The following TCF25 variants were observed in gnomAD, a reference collection of about 807,000 sequenced individuals.
The protein encoded by TCF25 is ribosome quality control complex subunit TCF25.
Under a neutral mutation model 83.1 loss-of-function variants are expected in TCF25, and 41 were observed. The observed-to-expected ratio is 0.49, with a 90% CI of 0.38 to 0.64. TCF25 has a LOEUF of 0.64. Ranked by LOEUF, TCF25 falls within the 30% of genes least tolerant of loss-of-function variation. The pLI, the probability that TCF25 is intolerant of heterozygous loss-of-function variation, is 0.00. For missense variants in TCF25, 979 were observed against 914.5 expected, an observed-to-expected ratio of 1.07 and a Z score of -0.91; for synonymous variants, 458 against 365.0, an observed-to-expected ratio of 1.25 and a Z score of -2.90.
At chr16:89,880,130 C>A (rs1597267509) in intron 1 of TCF25, among the ~76,000 whole-genome samples, 1 of 130,344 alleles carries the variant, frequency 7.7e-6, no homozygotes, top group East Asian at 3.5e-4. Flanking sequence ...TGTCTGTGTA[C>A]ACAGGCAGGC....
At chr16:89,873,978 G>T (rs13332673) in intron 1 of TCF25, 119 bp downstream of exon 1, 24,940 of 1,271,106 alleles carry the variant, frequency 0.02, 963 homozygotes, top group African/African-American at 0.14. Context: ...GGGTGACGTG[G>T]GTCCCAGCCG....
At chr16:89,909,122 G>A (rs1279978900) in intron 16 of TCF25, 1 of 1,286,512 alleles carries the variant, frequency 7.8e-7, no homozygotes, top group Non-Finnish European at 1.0e-6. Flanking sequence ...GCAGTGAAGT[G>A]GGGAAAACAT....
chr16:89,878,851 G>A (rs942944554), intron 1 of TCF25, among the ~76,000 whole-genome samples: 1 of 152,106 alleles, frequency 6.6e-6, no homozygotes, highest in African/African-American at 2.4e-5. Flanking sequence ...CCGTGTTAGC[G>A]AGGATGGTCT....
intron 12 of TCF25, among the ~76,000 whole-genome samples, chr16:89,902,541 T>A (rs1355891944): frequency 6.8e-6 from 1 of 146,068 alleles, no homozygotes; most frequent in Admixed American, 6.7e-5. Flanking sequence ...TACAAAAAAT[T>A]AGCCGGGCGT....
chr16:89,891,400 T>C (rs948157491), intron 5 of TCF25, among the ~76,000 whole-genome samples: 1 of 152,176 alleles, frequency 6.6e-6, no homozygotes, highest in Non-Finnish European at 1.5e-5. Flanking sequence ...GTGGCTGAAC[T>C]GTGGGGAGCC....
chr16:89,883,231 G>A (rs985000120), intron 1 of TCF25, 120 bp from the exon 2 acceptor site: 60 of 1,356,918 alleles, frequency 4.4e-5, no homozygotes, highest in Middle Eastern at 2.2e-4. Context: ...CCCGTCCAGC[G>A]TCTCGCACTG....
chr16:89,903,784 G>A (rs997245525), intron 12 of TCF25, among the ~76,000 whole-genome samples: 2 of 152,194 alleles, frequency 1.3e-5, no homozygotes, highest in African/African-American at 2.4e-5. Context: ...TCCAGCCTGA[G>A]CAACAGAGTG....
Position 89,911,079 on chromosome 16 carries a change from G to A in TCF25, c.1873-1G>A, listed in dbSNP as rs1437071046. 1 of 1,610,716 alleles carries A rather than the reference G, an allele frequency of 6.2e-7. No individual in the cohort carries two copies. The highest frequency in any genetic ancestry group is 1.3e-5 in the African/African-American group (1 of 74,992). On this transcript the variant is annotated splice_acceptor_variant, in intron 17 of 17. Transcript: ENST00000263346. LOFTEE classifies it high-confidence loss of function. ...TTCTCAGACATGTCCCCTTGCTGCA[G>A]GGGGAGAGGCCCGAGGAAGGAGTGG...
intron 11 of TCF25, among the ~76,000 whole-genome samples, chr16:89,899,369 A>G (rs2044137385): frequency 6.6e-6 from 1 of 152,114 alleles, no homozygotes; most frequent in African/African-American, 2.4e-5. Context: ...TTGGAATGAT[A>G]ATTTCGGTGT....
intron 1 of TCF25, among the ~76,000 whole-genome samples, chr16:89,875,030 T>G (rs62056102): frequency 6.6e-6 from 1 of 152,054 alleles, no homozygotes; most frequent in Non-Finnish European, 1.5e-5. Flanking sequence ...GATGGAATCT[T>G]GCTCTGTTGC....
Position 89,895,076 on chromosome 16 carries a change from C to T in TCF25, c.867C>T (p.Leu289=), listed in dbSNP as rs895505275. ...LQTSPYHVDS[L]LQLSDACRFQ... ...CGAGCCCTTACCACGTTGACTCACT[C>T]CTGCAGCTCAGCGATGCCTGCCGCT... Residue 289 remains leucine (L), a synonymous_variant, in exon 8 of 18, where the codon CTC becomes CTT. Coordinates refer to ENST00000263346, the MANE Select transcript of TCF25 (RefSeq NM_014972.3). 2 of 1,613,440 alleles carry T rather than the reference C, an allele frequency of 1.2e-6. No individual in the cohort carries two copies. The highest frequency in any genetic ancestry group is 1.7e-6 in the Non-Finnish European group (2 of 1,179,848).
intron 9 of TCF25, among the ~76,000 whole-genome samples, chr16:89,898,046 A>G (rs60958597): frequency 0.1 from 15,180 of 151,760 alleles, 2,079 homozygotes; most frequent in African/African-American, 0.31. Flanking sequence ...GGAGCTTGCA[A>G]TGAGCCGAGC....
chr16:89,906,115 TG>T (rs906534932), intron 14 of TCF25, 78 bp from the exon 15 acceptor site: 3 of 1,240,598 alleles, frequency 2.4e-6, no homozygotes, highest in Non-Finnish European at 3.4e-6. Flanking sequence ...TGGGTGGGGG[TG>T]GGGGCCGAGG....
At chr16:89,907,485 C>T (rs2044953904) in intron 16 of TCF25, among the ~76,000 whole-genome samples, 163 bp downstream of exon 16, 8 of 141,912 alleles carry the variant, frequency 5.6e-5, no homozygotes, top group East Asian at 4.1e-4. Flanking sequence ...TCCCACCTCC[C>T]AGCTCCCACC....
chr16:89,886,251 C>T (rs2043007157), intron 4 of TCF25: 3 of 378,446 alleles, frequency 7.9e-6, no homozygotes, highest in South Asian at 6.2e-5. Flanking sequence ...CATGGTGAAA[C>T]CCCCTCTCTA....
chr16:89,900,578 C>T, intron 11 of TCF25, 57 bp from the exon 12 acceptor site: 1 of 1,510,290 alleles, frequency 6.6e-7, no homozygotes, highest in Non-Finnish European at 9.0e-7. Context: ...TCTGCAAACT[C>T]ACATATTTTG....
At chr16:89,895,192 C>G (rs2043756356) in intron 8 of TCF25, 55 bp downstream of exon 8, 1 of 1,513,058 alleles carries the variant, frequency 6.6e-7, no homozygotes, top group East Asian at 2.3e-5. Flanking sequence ...CTCAAGCTAT[C>G]AAGACAGATG....
At chr16:89,906,761 C>G (rs939772976) in intron 15 of TCF25, among the ~76,000 whole-genome samples, 1 of 152,176 alleles carries the variant, frequency 6.6e-6, no homozygotes, top group Non-Finnish European at 1.5e-5. Flanking sequence ...TTAGTGCCTC[C>G]TGGTTTAACT....
chr16:89,880,751 G>T (rs1344495009), intron 1 of TCF25, among the ~76,000 whole-genome samples: 1 of 152,168 alleles, frequency 6.6e-6, no homozygotes, highest in Non-Finnish European at 1.5e-5. Context: ...CCAGCACCCA[G>T]CTTCACTAAG....
Sources: gnomAD v4.1 joint callset for allele counts (sites outside exome capture counted in the v4.1 genomes callset) on GRCh38, gnomAD v4.1.1 for gene constraint, MANE v1.5 for transcripts, NCBI Gene and HGNC (gene_info 2026-07-23, HGNC 2026-07-21) for gene names.